KCTD1: variants seen among roughly 807,000 people sequenced by gnomAD.
The protein encoded by KCTD1 is BTB/POZ domain-containing protein KCTD1.
In KCTD1, 24 loss-of-function variants were observed where a neutral mutation model predicts 66.0. That is an observed-to-expected ratio of 0.36 (90% confidence interval 0.26 to 0.51). The LOEUF is 0.51. Among genes scored for constraint, KCTD1 ranks in the 20% least tolerant of loss-of-function variants. KCTD1 has a pLI of 0.95. For synonymous variants in KCTD1, 511 were observed against 517.2 expected (o/e 0.99, Z 0.16); for missense variants, 943 against 1,205.2 (o/e 0.78, Z 3.22).
At chr18:26,652,522 C>T (rs1011387187) in intron 1 of KCTD1, among the ~76,000 whole-genome samples, 1 of 152,138 alleles carries the variant, frequency 6.6e-6, no homozygotes, top group Admixed American at 6.5e-5. Flanking sequence ...TATTTTAATA[C>T]AATTAATTTG....
Position 26,585,826 on chromosome 18 carries a change from G to A in KCTD1, c.-16+43321C>T, listed in dbSNP as rs867307972. On this transcript the variant is annotated intron_variant, in intron 1 of 4. Transcript: ENST00000317932. Reference sequence around the variant, plus strand: ...CTCCCAAATATGATTAATTATAGTCGAACTTAAAAAGTACAGGTATGCTTG... The same window carrying A: ...CTCCCAAATATGATTAATTATAGTCAAACTTAAAAAGTACAGGTATGCTTG... Among the ~76,000 whole-genome samples the A allele has an allele frequency of 6.6e-5, 10 of 152,096 alleles. No individual in the cohort carries two copies. The East Asian group carries it at 7.7e-4, about 12-fold the overall frequency.
At chr18:26,525,685 A>C (rs1438516963) in intron 1 of KCTD1, among the ~76,000 whole-genome samples, 2 of 152,140 alleles carry the variant, frequency 1.3e-5, no homozygotes, top group Non-Finnish European at 2.9e-5. Flanking sequence ...AGATACATTT[A>C]CATTTACTAC....
chr18:26,614,912 C>T (rs1987216716), intron 1 of KCTD1, among the ~76,000 whole-genome samples: 1 of 152,220 alleles, frequency 6.6e-6, no homozygotes, highest in East Asian at 1.9e-4. Context: ...GTAGCTTTCA[C>T]TAACAATTTG....
chr18:26,586,722 G>A (rs1303350825), intron 1 of KCTD1, among the ~76,000 whole-genome samples: 1 of 152,198 alleles, frequency 6.6e-6, no homozygotes, highest in Non-Finnish European at 1.5e-5. Context: ...TTGCTGATAT[G>A]GAGAAAGTTT....
At chr18:26,651,783 C>CAA (rs397858862) in intron 1 of KCTD1, among the ~76,000 whole-genome samples, 1,591 of 75,152 alleles carry the variant, frequency 0.021, 65 homozygotes, top group African/African-American at 0.06. Flanking sequence ...AACTCGGTCT[C>CAA]AAAAAAAAAA....
Position 26,611,332 on chromosome 18 carries a change from T to TTTTG in KCTD1, c.-16+17811_-16+17814dup, listed in dbSNP as rs141699243. On this transcript the variant is annotated intron_variant, in intron 1 of 4. Transcript: ENST00000317932. Reference sequence around the variant, plus strand: ...ATGGAATACAATTATAGTAACTGGGTTTTGTTTGTTTGTTTGTTTGTTTGT... The same window carrying TTTTG: ...ATGGAATACAATTATAGTAACTGGGTTTTGTTTGTTTGTTTGTTTGTTTGTTTGT... 8.2e-3 allele frequency among the ~76,000 whole-genome samples: 1,241 copies of TTTTG among 150,572 alleles called. 10 individuals are homozygous for TTTTG. Among genetic ancestry groups the TTTTG allele is most frequent in the African/African-American group, 0.018 (728 of 40,876 alleles).
At chr18:26,612,772 C>T (rs1987164389) in intron 1 of KCTD1, among the ~76,000 whole-genome samples, 1 of 152,210 alleles carries the variant, frequency 6.6e-6, no homozygotes, top group African/African-American at 2.4e-5. Flanking sequence ...TGTGCTGTAT[C>T]CTGGAAACTC....
intron 1 of KCTD1, among the ~76,000 whole-genome samples, chr18:26,593,340 G>A (rs537414578): frequency 2.7e-3 from 121 of 45,658 alleles, no homozygotes; most frequent in African/African-American, 5.5e-3. Flanking sequence ...GGAGGAAGAG[G>A]AGGAAGAGGA....
At chr18:26,593,345 A>AGAGGAGGAGGAGGAG (rs1226392690) in intron 1 of KCTD1, among the ~76,000 whole-genome samples, 2 of 32,156 alleles carry the variant, frequency 6.2e-5, no homozygotes, top group African/African-American at 1.4e-4. Context: ...AAGAGGAGGA[A>AGAGGAGGAGGAGGAG]GAGGAGGAGG....
chr18:26,626,177 A>C (rs1020770287), intron 1 of KCTD1, among the ~76,000 whole-genome samples: 4 of 150,324 alleles, frequency 2.7e-5, no homozygotes, highest in African/African-American at 1.0e-4. Flanking sequence ...AAAAAAAAAA[A>C]CCTTTTATTG....
chr18:26,576,611 C>A (rs1483082281), intron 1 of KCTD1, among the ~76,000 whole-genome samples: 21 of 152,176 alleles, frequency 1.4e-4, no homozygotes, highest in Admixed American at 1.4e-3. Context: ...CGTTCCTCAT[C>A]AATCCCACCC....
intron 1 of KCTD1, among the ~76,000 whole-genome samples, chr18:26,609,135 G>A (rs1288692909): frequency 6.6e-6 from 1 of 151,860 alleles, no homozygotes; most frequent in Non-Finnish European, 1.5e-5. Flanking sequence ...TCTCTGGATT[G>A]ATAGGATAAA....
At chr18:26,627,844 G>A (rs1284936130) in intron 1 of KCTD1, among the ~76,000 whole-genome samples, 1 of 152,160 alleles carries the variant, frequency 6.6e-6, no homozygotes, top group African/African-American at 2.4e-5. Flanking sequence ...CTTAATAGAA[G>A]CCATGACTGT....
At chr18:26,480,588 T>G (rs1235494949) in intron 2 of KCTD1, among the ~76,000 whole-genome samples, 2 of 152,074 alleles carry the variant, frequency 1.3e-5, no homozygotes, top group African/African-American at 4.8e-5. Context: ...ACCAACATGG[T>G]GAAACCCTGT....
chr18:26,636,481 C>G (rs1396869103), intron 1 of KCTD1, among the ~76,000 whole-genome samples: 1 of 152,192 alleles, frequency 6.6e-6, no homozygotes, highest in African/African-American at 2.4e-5. Flanking sequence ...CCAGAGCTGG[C>G]AGTGCCATCA....
At chr18:26,485,097 G>A (rs563541680) in intron 2 of KCTD1, among the ~76,000 whole-genome samples, 1 of 152,270 alleles carries the variant, frequency 6.6e-6, no homozygotes, top group South Asian at 2.1e-4. Flanking sequence ...CTTGCCTTGA[G>A]TTTTGATTTC....
At chr18:26,517,472 A>G (rs1486442364) in intron 1 of KCTD1, among the ~76,000 whole-genome samples, 2 of 152,222 alleles carry the variant, frequency 1.3e-5, no homozygotes, top group African/African-American at 2.4e-5. Flanking sequence ...CCTGACCAAC[A>G]TGGAGAAACC....
At chr18:26,638,195 C>A (rs980274639) in intron 1 of KCTD1, among the ~76,000 whole-genome samples, 6 of 152,144 alleles carry the variant, frequency 3.9e-5, no homozygotes, top group Non-Finnish European at 7.4e-5. Context: ...TTTCATTTAT[C>A]CAGAAACTCC....
intron 1 of KCTD1, among the ~76,000 whole-genome samples, chr18:26,657,103 C>T (rs1352982734): frequency 6.6e-6 from 1 of 151,630 alleles, no homozygotes; most frequent in Non-Finnish European, 1.5e-5. Context: ...GCCCGCTCTG[C>T]TCCGCCCTGC....
Sources: allele counts gnomAD v4.1 joint callset (sites outside exome capture counted in the v4.1 genomes callset), GRCh38; gene constraint gnomAD v4.1.1; transcripts MANE v1.5; gene names NCBI Gene and HGNC (gene_info 2026-07-23, HGNC 2026-07-21).